PDE4D: variants seen among roughly 807,000 people sequenced by gnomAD.
PDE4D encodes 3',5'-cyclic-AMP phosphodiesterase 4D.
PDE4D carries 24 observed loss-of-function variants against 87.4 expected under a neutral mutation model. That is an observed-to-expected ratio of 0.27 (90% CI 0.20 to 0.39). The LOEUF is 0.39. Ranked by LOEUF, PDE4D falls within the 10% of genes least tolerant of loss-of-function variation. The pLI, the probability that PDE4D is intolerant of heterozygous loss-of-function variation, is 1.00. For missense variants in PDE4D, 714 were observed against 1,041.0 expected, an observed-to-expected ratio of 0.69 and a Z score of 4.32; for synonymous variants, 384 against 383.2, an observed-to-expected ratio of 1.00 and a Z score of -0.02.
chr5:59,988,642 T>G (rs1393756710), exon 3 of PDE4D: 6 of 1,599,262 alleles, frequency 3.8e-6, no homozygotes, highest in Non-Finnish European at 5.1e-6. Context: ...CATGAAAGTC[T>G]CCGGACAAGA....
At chr5:59,363,936 C>T (rs1782635262) in intron 1 of PDE4D, among the ~76,000 whole-genome samples, 1 of 152,162 alleles carries the variant, frequency 6.6e-6, no homozygotes, top group Admixed American at 6.5e-5. Flanking sequence ...TGTTTGTATG[C>T]ATTGTGCACT....
chr5:60,019,413 C>G (rs1582206069), intron 2 of PDE4D, among the ~76,000 whole-genome samples: 4 of 152,290 alleles, frequency 2.6e-5, no homozygotes, highest in Admixed American at 2.6e-4. Context: ...ACTGACTTCT[C>G]CACTCTAACT....
chr5:60,433,957 C>T (rs1396735660), intron 1 of PDE4D, among the ~76,000 whole-genome samples: 1 of 152,054 alleles, frequency 6.6e-6, no homozygotes, highest in African/African-American at 2.4e-5. Flanking sequence ...GATCAGAAGA[C>T]TACATATTGG....
At chr5:60,332,837 G>A (rs577181288) in intron 1 of PDE4D, among the ~76,000 whole-genome samples, 37 of 152,256 alleles carry the variant, frequency 2.4e-4, no homozygotes, top group Admixed American at 3.9e-4. Context: ...ATGATTCATC[G>A]AAAAGTCAGA....
chr5:60,262,143 C>T (rs1749709805), intron 1 of PDE4D, among the ~76,000 whole-genome samples: 1 of 152,140 alleles, frequency 6.6e-6, no homozygotes, highest in Admixed American at 6.6e-5. Context: ...TTGGCAATAA[C>T]TATGACTGAA....
At chr5:60,116,141 T>C (rs1254860380) in intron 2 of PDE4D, among the ~76,000 whole-genome samples, 2 of 152,056 alleles carry the variant, frequency 1.3e-5, no homozygotes, top group Non-Finnish European at 2.9e-5. Flanking sequence ...AGCCTGGTTG[T>C]CATAATTCAA....
intron 5 of PDE4D, among the ~76,000 whole-genome samples, chr5:59,129,717 T>C (rs1395846452): frequency 6.6e-6 from 1 of 152,188 alleles, no homozygotes; most frequent in Non-Finnish European, 1.5e-5. Flanking sequence ...TTGGTAGACG[T>C]GCATCACATT....
At chr5:60,011,724 G>A (rs974616570) in intron 2 of PDE4D, among the ~76,000 whole-genome samples, 15 of 152,234 alleles carry the variant, frequency 9.9e-5, no homozygotes, top group African/African-American at 3.6e-4. Context: ...GCCATTTACA[G>A]TAAAAGTATG....
chr5:58,988,716 A>G (rs908947481), intron 10 of PDE4D, 124 bp from the exon 11 acceptor site: 21 of 452,502 alleles, frequency 4.6e-5, no homozygotes, highest in East Asian at 2.6e-4. Context: ...ATGTGTTACA[A>G]TGTGTCAAGG....
At chr5:59,011,414 T>C (rs1752780641) in intron 6 of PDE4D, among the ~76,000 whole-genome samples, 1 of 152,090 alleles carries the variant, frequency 6.6e-6, no homozygotes, top group African/African-American at 2.4e-5. Context: ...ATTAGACAAA[T>C]GGCTAACTAG....
chr5:59,994,345 CAT>C lies in PDE4D; in HGVS notation c.43-5630_43-5629del, dbSNP rs200534526. Among the ~76,000 whole-genome samples the C allele has an allele frequency of 2.4e-3, 368 of 151,050 alleles. 2 individuals are homozygous for C. Among genetic ancestry groups the C allele is most frequent in the African/African-American group, 8.6e-3 (355 of 41,154 alleles). On this transcript the variant is annotated intron_variant, in intron 2 of 16. Coordinates refer to the PDE4D transcript ENST00000502484. ...CACACATACAGTATATGTATACACA[CAT>C]ATATATATACATACATATGTAAACA... is the stretch of plus-strand genomic sequence containing the variant.
rs571277429 is a variant in PDE4D at position 59,131,031 on chromosome 5, T to C, written c.808+49564A>G. Among the ~76,000 whole-genome samples the C allele has an allele frequency of 3.3e-4, 51 of 152,314 alleles. 1 individual carries two copies. The South Asian group carries it at 0.01, about 31-fold the overall frequency. ...CTGTTAGCCTGAGGAAGGGGTGCCC[T>C]TTTCTATTTCATCCAGCTAGAAGAT... On this transcript the variant is annotated intron_variant, in intron 5 of 14. Transcript: ENST00000340635.
At chr5:59,727,807 T>C (rs1324719552) in intron 1 of PDE4D, among the ~76,000 whole-genome samples, 58 of 152,086 alleles carry the variant, frequency 3.8e-4, no homozygotes, top group Non-Finnish European at 5.9e-5. Context: ...ATTTGAATTC[T>C]CTTTCTCTCA....
At chr5:59,641,960 C>A (rs982459020) in intron 1 of PDE4D, among the ~76,000 whole-genome samples, 1 of 152,074 alleles carries the variant, frequency 6.6e-6, no homozygotes. Context: ...ATGGCAACAA[C>A]TTGGGAGCAA....
At chr5:59,033,987 T>A (rs896569067) in intron 6 of PDE4D, among the ~76,000 whole-genome samples, 4 of 152,172 alleles carry the variant, frequency 2.6e-5, no homozygotes, top group African/African-American at 9.6e-5. Context: ...TTTGTTTTAA[T>A]CCTAAGTTTT....
chr5:59,838,431 C>T (rs895417235), intron 1 of PDE4D, among the ~76,000 whole-genome samples: 6 of 152,060 alleles, frequency 3.9e-5, no homozygotes, highest in Non-Finnish European at 7.4e-5. Flanking sequence ...GCTATAACTG[C>T]CCCTAAACCA....
At chr5:59,031,146 A>G (rs192092250) in intron 6 of PDE4D, among the ~76,000 whole-genome samples, 1,885 of 152,086 alleles carry the variant, frequency 0.012, 39 homozygotes, top group African/African-American at 0.041. Context: ...GTAAATTAGA[A>G]CCACCATTAT....
At chr5:59,460,582 A>T (rs1228723361) in intron 1 of PDE4D, among the ~76,000 whole-genome samples, 4 of 152,160 alleles carry the variant, frequency 2.6e-5, no homozygotes, top group Non-Finnish European at 5.9e-5. Context: ...ACAATATGCT[A>T]ACAGTTGGCA....
rs987349505 is a variant in PDE4D at position 59,624,362 on chromosome 5, T to C, written c.455+268806A>G. Among the ~76,000 whole-genome samples the C allele has an allele frequency of 2.0e-5, 3 of 152,166 alleles. No homozygotes were observed. The East Asian group carries it at 5.8e-4, about 29-fold the overall frequency. Reference sequence around the variant, plus strand: ...TTCCACTCTATCTACAAATTCTCACTTAATGAACAGAAAGTTAAAAGATCT... The same window carrying C: ...TTCCACTCTATCTACAAATTCTCACCTAATGAACAGAAAGTTAAAAGATCT... On this transcript the variant is annotated intron_variant, in intron 1 of 14. Transcript: ENST00000340635.
Sources: gnomAD v4.1 joint callset for allele counts (sites outside exome capture counted in the v4.1 genomes callset) on GRCh38, gnomAD v4.1.1 for gene constraint, MANE v1.5 for transcripts, NCBI Gene and HGNC (gene_info 2026-07-23, HGNC 2026-07-21) for gene names.